The following DCC variants were observed in gnomAD, a reference collection of about 807,000 sequenced individuals.
DCC encodes netrin receptor DCC.
A neutral mutation model predicts 172.5 loss-of-function variants in DCC; 58 were observed. The ratio of observed to expected loss-of-function variants is 0.34; its 90% CI spans 0.27 to 0.42. The LOEUF (loss-of-function observed/expected upper bound fraction) is 0.42. DCC is among the 10% of genes least tolerant of loss of function. DCC has a pLI of 1.00. For synonymous variants in DCC, 709 were observed against 644.5 expected, an observed-to-expected ratio of 1.10 and a Z score of -1.52; for missense variants, 1,740 against 1,791.0, an observed-to-expected ratio of 0.97 and a Z score of 0.51.
intron 5 of DCC, among the ~76,000 whole-genome samples, chr18:53,033,577 C>T (rs2042053269): frequency 6.6e-6 from 1 of 152,118 alleles, no homozygotes. Context: ...TATCAATGCA[C>T]ACTGGTTCCC....
At chr18:53,191,651 T>G (rs561733244) in intron 9 of DCC, among the ~76,000 whole-genome samples, 6 of 152,292 alleles carry the variant, frequency 3.9e-5, no homozygotes, top group Non-Finnish European at 7.4e-5. Context: ...TTAAATTGAG[T>G]TTTCGAGTTA....
chr18:53,344,440 C>CTTTTTTTTTTTTTTTTT (rs71175582), intron 15 of DCC, among the ~76,000 whole-genome samples: 24 of 97,062 alleles, frequency 2.5e-4, no homozygotes, highest in East Asian at 6.5e-4. Flanking sequence ...TTTCGTTTTT[C>CTTTTTTTTTTTTTTTTT]TTTTTTTTTT....
chr18:52,735,495 A>C (rs764905391), intron 1 of DCC, among the ~76,000 whole-genome samples: 28 of 152,134 alleles, frequency 1.8e-4, no homozygotes, highest in Non-Finnish European at 1.5e-5. Flanking sequence ...ACAATAGGCC[A>C]TCTGCAGTCT....
intron 1 of DCC, among the ~76,000 whole-genome samples, chr18:52,526,114 G>T (rs141028581): frequency 3.3e-5 from 5 of 152,326 alleles, no homozygotes; most frequent in Non-Finnish European, 7.3e-5. Flanking sequence ...TGTAGGAAAA[G>T]CTAGGTGTGA....
chr18:52,599,426 G>A (rs2033972595), intron 1 of DCC, among the ~76,000 whole-genome samples: 1 of 152,066 alleles, frequency 6.6e-6, no homozygotes, highest in African/African-American at 2.4e-5. Context: ...CAATACAAAG[G>A]CAAGTAAATG....
Position 52,998,099 on chromosome 18 carries a change from AAAATT to A in DCC, c.986-65197_986-65193del, listed in dbSNP as rs547760703. On this transcript the variant is annotated intron_variant, in intron 5 of 28. Transcript: ENST00000442544. ...GCACATGGCAATTAAAATTAAAATT[AAAATT>A]AAATTAAAAGTTGAGTTTTTCATTT... is the stretch of plus-strand genomic sequence containing the variant. 8.5e-4 allele frequency among the ~76,000 whole-genome samples: 126 copies of A among 148,920 alleles called. 3 individuals carry two copies. In the East Asian group the frequency reaches 0.021, roughly 25 times the overall value.
intron 7 of DCC, among the ~76,000 whole-genome samples, chr18:53,122,133 A>G (rs1391534799): frequency 1.3e-5 from 2 of 151,988 alleles, no homozygotes; most frequent in Non-Finnish European, 2.9e-5. Flanking sequence ...TGATTTTAAA[A>G]TTTTCAGTTT....
intron 5 of DCC, among the ~76,000 whole-genome samples, chr18:52,939,525 ACT>A (rs1568199748): frequency 6.6e-6 from 1 of 152,150 alleles, no homozygotes. Flanking sequence ...AAATAAATAA[ACT>A]CTGAATGATT....
At chr18:52,821,212 C>T (rs2038400918) in intron 2 of DCC, among the ~76,000 whole-genome samples, 1 of 152,110 alleles carries the variant, frequency 6.6e-6, no homozygotes, top group Non-Finnish European at 1.5e-5. Flanking sequence ...GCATCTATGC[C>T]AATGGCTCCA....
At chr18:53,130,237 C>T (rs950259734) in intron 7 of DCC, among the ~76,000 whole-genome samples, 3 of 152,088 alleles carry the variant, frequency 2.0e-5, no homozygotes, top group African/African-American at 7.2e-5. Context: ...TTTAGAACAA[C>T]CAGGTGACCA....
At chr18:52,569,541 A>G (rs983415148) in intron 1 of DCC, among the ~76,000 whole-genome samples, 5 of 152,226 alleles carry the variant, frequency 3.3e-5, no homozygotes, top group Non-Finnish European at 7.3e-5. Flanking sequence ...CTATACTCCT[A>G]TGTAGAAGCT....
intron 7 of DCC, among the ~76,000 whole-genome samples, chr18:53,093,435 T>C (rs2043041880): frequency 6.6e-6 from 1 of 152,150 alleles, no homozygotes. Flanking sequence ...CATCAAAAGA[T>C]TGTTGATTTG....
At chr18:52,856,355 G>T (rs2039052357) in intron 2 of DCC, among the ~76,000 whole-genome samples, 1 of 151,748 alleles carries the variant, frequency 6.6e-6, no homozygotes, top group Admixed American at 6.6e-5. Flanking sequence ...GCCGGGCGCG[G>T]TGGCTCACGC....
At chr18:53,112,146 A>G (rs1439118783) in intron 7 of DCC, among the ~76,000 whole-genome samples, 1 of 151,516 alleles carries the variant, frequency 6.6e-6, no homozygotes, top group Non-Finnish European at 1.5e-5. Context: ...CTTGTCTTAT[A>G]TTTAGGAGAT....
chr18:53,306,419 A>G (rs1568044043), intron 13 of DCC, among the ~76,000 whole-genome samples: 3 of 152,374 alleles, frequency 2.0e-5, no homozygotes, highest in Middle Eastern at 3.4e-3. Context: ...GGAGAGAACA[A>G]GGAAAGCAAT....
chr18:52,384,010 A>T (rs1417995816), intron 1 of DCC, among the ~76,000 whole-genome samples: 1 of 151,502 alleles, frequency 6.6e-6, no homozygotes, highest in Admixed American at 6.6e-5. Flanking sequence ...TTATTTTCTT[A>T]CTTAAAATTT....
intron 1 of DCC, among the ~76,000 whole-genome samples, chr18:52,401,136 A>G (rs1047453239): frequency 6.6e-6 from 1 of 151,892 alleles, no homozygotes; most frequent in Non-Finnish European, 1.5e-5. Context: ...AATGCATGTA[A>G]CTCAATAGTG....
intron 1 of DCC, among the ~76,000 whole-genome samples, chr18:52,449,554 T>A (rs1030105178): frequency 3.9e-5 from 6 of 152,188 alleles, no homozygotes; most frequent in African/African-American, 1.4e-4. Flanking sequence ...GAAAGGGAGA[T>A]AACAATGAAA....
chr18:53,351,762 T>G (rs2144906088), intron 15 of DCC, among the ~76,000 whole-genome samples: 1 of 151,856 alleles, frequency 6.6e-6, no homozygotes, highest in East Asian at 1.9e-4. Flanking sequence ...TCAGAATAGC[T>G]TAGATCTCAT....
Sources: allele counts gnomAD v4.1 joint callset (sites outside exome capture counted in the v4.1 genomes callset), GRCh38; gene constraint gnomAD v4.1.1; transcripts MANE v1.5; gene names NCBI Gene and HGNC (gene_info 2026-07-23, HGNC 2026-07-21).